ALK: variants seen among roughly 807,000 people sequenced by gnomAD.
ALK encodes the protein ALK tyrosine kinase receptor.
A neutral mutation model predicts 163.1 loss-of-function variants in ALK; 74 were observed. The observed-to-expected ratio is 0.45, with a 90% CI of 0.38 to 0.55. The LOEUF (loss-of-function observed/expected upper bound fraction) is 0.55, where lower values mean the gene tolerates loss of function less well. Ranked by LOEUF, ALK falls within the 20% of genes least tolerant of loss-of-function variation. The pLI is 0.00. For missense variants in ALK, 2,063 were observed against 2,105.3 expected, an observed-to-expected ratio of 0.98 and a Z score of 0.39; for synonymous variants, 960 against 843.2, an observed-to-expected ratio of 1.14 and a Z score of -2.40.
chr2:29,438,086 G>A (rs55975532), intron 4 of ALK, among the ~76,000 whole-genome samples: 41,889 of 150,838 alleles, frequency 0.28, 6,873 homozygotes, highest in Non-Finnish European at 0.37. Flanking sequence ...ATATGTAGGC[G>A]GAGCTAAGAA....
chr2:29,842,588 G>A (rs1665728613), intron 1 of ALK, among the ~76,000 whole-genome samples: 1 of 152,224 alleles, frequency 6.6e-6, no homozygotes, highest in Non-Finnish European at 1.5e-5. Context: ...GGGCAGTGAA[G>A]ACTCTGGACA....
chr2:29,479,641 T>C (rs1230156150), intron 4 of ALK, among the ~76,000 whole-genome samples: 1 of 152,156 alleles, frequency 6.6e-6, no homozygotes, highest in East Asian at 1.9e-4. Flanking sequence ...TATTGCTGGG[T>C]TCAGGGAGTT....
At chr2:29,896,238 G>A (rs951354120) in intron 1 of ALK, among the ~76,000 whole-genome samples, 1 of 152,134 alleles carries the variant, frequency 6.6e-6, no homozygotes. Flanking sequence ...CTTAAGGTAC[G>A]AAGAACATTT....
chr2:29,446,091 T>A (rs1573361242), intron 4 of ALK, among the ~76,000 whole-genome samples: 1 of 60,090 alleles, frequency 1.7e-5, no homozygotes. Context: ...AGAGCGAGAC[T>A]CCGTCTCAAA....
chr2:29,328,601 C>T, intron 5 of ALK, 120 bp from the exon 6 acceptor site: 2 of 1,328,816 alleles, frequency 1.5e-6, no homozygotes, highest in Non-Finnish European at 2.1e-6. Flanking sequence ...CTGCCATTCA[C>T]ACTCCAAGGC....
At chr2:29,311,719 C>T (rs1005355508) in intron 8 of ALK, among the ~76,000 whole-genome samples, 5 of 152,126 alleles carry the variant, frequency 3.3e-5, no homozygotes, top group African/African-American at 1.2e-4. Context: ...GCCTTGCTGG[C>T]CAGCTGTGTG....
intron 1 of ALK, among the ~76,000 whole-genome samples, chr2:29,810,473 G>A (rs951069383): frequency 6.6e-6 from 1 of 150,728 alleles, no homozygotes; most frequent in Non-Finnish European, 1.5e-5. Flanking sequence ...TTATCAATGA[G>A]ATAATGGCTG....
intron 1 of ALK, among the ~76,000 whole-genome samples, chr2:29,881,586 C>T (rs1666868128): frequency 6.6e-6 from 1 of 152,148 alleles, no homozygotes. Context: ...TGGCTGTCTC[C>T]CCGCCTCCTG....
intron 5 of ALK, among the ~76,000 whole-genome samples, chr2:29,337,771 C>T (rs1667664682): frequency 6.6e-6 from 1 of 152,194 alleles, no homozygotes. Flanking sequence ...CCAGTATTCT[C>T]AAGAGCGCCT....
intron 4 of ALK, among the ~76,000 whole-genome samples, chr2:29,409,859 T>C (rs539232926): frequency 6.6e-6 from 1 of 152,160 alleles, no homozygotes; most frequent in South Asian, 2.1e-4. Context: ...CTCTACCCCA[T>C]TACCCATTTC....
intron 4 of ALK, among the ~76,000 whole-genome samples, chr2:29,405,633 C>T (rs1669563329): frequency 6.6e-6 from 1 of 152,152 alleles, no homozygotes; most frequent in African/African-American, 2.4e-5. Context: ...TTATTTTGTT[C>T]TAACTGTTAG....
At chr2:29,354,614 G>A (rs937777427) in intron 5 of ALK, among the ~76,000 whole-genome samples, 1 of 138,688 alleles carries the variant, frequency 7.2e-6, no homozygotes, top group Non-Finnish European at 1.6e-5. Context: ...GAGAGAGAGA[G>A]AAGCTAAAAC....
intron 1 of ALK, among the ~76,000 whole-genome samples, chr2:29,908,023 G>A (rs1034662087): frequency 6.6e-6 from 1 of 151,966 alleles, no homozygotes; most frequent in Admixed American, 6.6e-5. Context: ...TGCTTATTTG[G>A]TGTAATAGCT....
intron 1 of ALK, among the ~76,000 whole-genome samples, chr2:29,847,565 T>C (rs568622333): frequency 6.6e-6 from 1 of 152,236 alleles, no homozygotes; most frequent in Admixed American, 6.5e-5. Context: ...CACTAAAGCC[T>C]AAATTGAGTT....
intron 1 of ALK, among the ~76,000 whole-genome samples, chr2:29,775,387 G>A (rs1681144049): frequency 6.6e-6 from 1 of 152,130 alleles, no homozygotes. Flanking sequence ...AAAGGAATTG[G>A]AGATTGTCAT....
intron 1 of ALK, among the ~76,000 whole-genome samples, chr2:29,851,848 G>A (rs1666001051): frequency 6.6e-6 from 1 of 152,220 alleles, no homozygotes; most frequent in Non-Finnish European, 1.5e-5. Context: ...AAACAGCTCT[G>A]GGAGAGGGTA....
At chr2:29,272,787 C>T (rs758842013) in intron 11 of ALK, among the ~76,000 whole-genome samples, 2 of 152,190 alleles carry the variant, frequency 1.3e-5, no homozygotes, top group East Asian at 3.8e-4. Context: ...GGAACTCTTC[C>T]CTGCTCTTTT....
intron 27 of ALK, 77 bp downstream of exon 27, chr2:29,197,465 G>A (rs1573084315): frequency 1.3e-6 from 2 of 1,598,268 alleles, no homozygotes; most frequent in Non-Finnish European, 8.5e-7. Flanking sequence ...TCTTAAAGAA[G>A]CATATGTGGC....
At chr2:29,233,914 G>A (rs1664294805) in intron 13 of ALK, among the ~76,000 whole-genome samples, 1 of 152,186 alleles carries the variant, frequency 6.6e-6, no homozygotes, top group Non-Finnish European at 1.5e-5. Flanking sequence ...GGAGAAACTG[G>A]GAGAGAGAGA....
Sources: gnomAD v4.1 joint callset for allele counts (sites outside exome capture counted in the v4.1 genomes callset) on GRCh38, gnomAD v4.1.1 for gene constraint, MANE v1.5 for transcripts, NCBI Gene and HGNC (gene_info 2026-07-23, HGNC 2026-07-21) for gene names.